The following XRN1 variants were observed in gnomAD, a reference collection of about 807,000 sequenced individuals.
XRN1 encodes the protein 5'-3' exoribonuclease 1.
Under a neutral mutation model 222.3 loss-of-function variants are expected in XRN1, and 67 were observed. The observed-to-expected ratio is 0.30, with a 90% CI of 0.25 to 0.37. XRN1 has a LOEUF of 0.37. Among genes scored for constraint, XRN1 ranks in the 10% least tolerant of loss-of-function variants. The pLI, the probability that XRN1 is intolerant of heterozygous loss-of-function variation, is 1.00. For synonymous variants in XRN1, 643 were observed against 652.4 expected (o/e 0.99, Z 0.22); for missense variants, 1,707 against 2,000.2 (o/e 0.85, Z 2.80).
intron 1 of XRN1, chr3:142,435,000 A>C (rs753668802): frequency 6.6e-6 from 1 of 152,228 alleles, no homozygotes; most frequent in African/African-American, 2.4e-5. Flanking sequence ...TAAATGGTAG[A>C]GTTATCTAAA....
chr3:142,400,947 C>T (rs1208834774), intron 18 of XRN1, among the ~76,000 whole-genome samples: 1 of 151,942 alleles, frequency 6.6e-6, no homozygotes, highest in Non-Finnish European at 1.5e-5. Flanking sequence ...ATAAAATGAA[C>T]AAGTTGAATT....
intron 29 of XRN1, among the ~76,000 whole-genome samples, chr3:142,360,904 A>C (rs1261815378): frequency 6.6e-6 from 1 of 151,822 alleles, no homozygotes; most frequent in African/African-American, 2.4e-5. Flanking sequence ...AACAACAACA[A>C]AACAGCCTTA....
At chr3:142,329,904 A>G (rs1212828490) in intron 36 of XRN1, among the ~76,000 whole-genome samples, 1 of 152,224 alleles carries the variant, frequency 6.6e-6, no homozygotes, top group Non-Finnish European at 1.5e-5. Flanking sequence ...AAATTCAGTT[A>G]GACGCTATAG....
chr3:142,385,222 A>G (rs1320940948), intron 20 of XRN1, among the ~76,000 whole-genome samples: 1 of 152,180 alleles, frequency 6.6e-6, no homozygotes, highest in Non-Finnish European at 1.5e-5. Context: ...AACAATCCAA[A>G]TGTTCATAAA....
chr3:142,375,654 G>A, intron 25 of XRN1, 144 bp downstream of exon 25: 1 of 726,034 alleles, frequency 1.4e-6, no homozygotes. Flanking sequence ...GATATTCCAT[G>A]ATGCAAAATT....
rs191586265 is a variant in XRN1 at position 142,402,647 on chromosome 3, T to C, written c.2103+1027A>G. 3.9e-5 allele frequency among the ~76,000 whole-genome samples: 6 copies of C among 152,320 alleles called. No homozygotes were observed. The East Asian group carries it at 1.2e-3, about 29-fold the overall frequency. On this transcript the variant is annotated intron_variant, in intron 18 of 40. Transcript: ENST00000392981. Reference sequence around the variant, plus strand: ...GAATGACTTAGGGCATTAGGGCTTATACATCTTGTGGAATACTGGTTAAGA... The same window carrying C: ...GAATGACTTAGGGCATTAGGGCTTACACATCTTGTGGAATACTGGTTAAGA...
At chr3:142,321,557 G>GTA (rs1246733253) in intron 37 of XRN1, among the ~76,000 whole-genome samples, 1 of 152,266 alleles carries the variant, frequency 6.6e-6, no homozygotes, top group East Asian at 1.9e-4. Context: ...AGACTGCTGT[G>GTA]GGTAGTACTG....
At position 142,309,226 on chromosome 3, in the gene XRN1, CTTTT is replaced by C. The variant is rs936802468; in HGVS notation, c.*2281_*2284del. Reference sequence around the variant, plus strand: ...TAAAAAAAAAGTAAGGATAATAAAACTTTTTTCTTTTTTTTGAGACAGAGTCTTG... The same window carrying C: ...TAAAAAAAAAGTAAGGATAATAAAACTTCTTTTTTTTGAGACAGAGTCTTG... On this transcript the variant is annotated 3_prime_UTR_variant, in exon 41 of 41. Coordinates refer to ENST00000392981, the MANE Select transcript of XRN1 (RefSeq NM_001282857.2). 6.6e-6 allele frequency: 1 copy of C among 152,006 alleles called. No homozygotes were observed. Among genetic ancestry groups the C allele is most frequent in the African/African-American group, 2.4e-5 (1 of 41,370 alleles). 9.4% of individuals were successfully genotyped at this position (152,006 alleles called of 1,614,324 possible). A position where few individuals can be genotyped will look rare whatever the true frequency, so the allele number is the denominator to read the frequency against.
chr3:142,333,609 C>T, intron 34 of XRN1, among the ~76,000 whole-genome samples: 1 of 151,958 alleles, frequency 6.6e-6, no homozygotes. Context: ...GTTTGTATTC[C>T]CCCAAAATTC....
intron 27 of XRN1, among the ~76,000 whole-genome samples, chr3:142,368,663 A>T (rs1458537848): frequency 2.0e-5 from 3 of 152,226 alleles, no homozygotes; most frequent in Admixed American, 6.5e-5. Context: ...TTCACTCTAC[A>T]TTGAAAGGCA....
intron 30 of XRN1, among the ~76,000 whole-genome samples, chr3:142,357,661 C>T (rs1201174432): frequency 6.6e-6 from 1 of 152,018 alleles, no homozygotes; most frequent in Non-Finnish European, 1.5e-5. Context: ...CTCCTGGGCT[C>T]AAATGACCCT....
chr3:142,327,713 G>C (rs11717757), intron 37 of XRN1, among the ~76,000 whole-genome samples: 1 of 151,916 alleles, frequency 6.6e-6, no homozygotes, highest in East Asian at 1.9e-4. Flanking sequence ...TGCGAGTGCA[G>C]TTTTGTTACA....
At chr3:142,344,769 G>C (rs2066093517) in intron 33 of XRN1, among the ~76,000 whole-genome samples, 3 of 152,080 alleles carry the variant, frequency 2.0e-5, no homozygotes, top group Admixed American at 2.0e-4. Context: ...TAAATGGAAA[G>C]ACATCTTGTG....
At position 142,311,121 on chromosome 3, in the gene XRN1, A is replaced by G. The variant is rs996311109; in HGVS notation, c.*390T>C. On this transcript the variant is annotated 3_prime_UTR_variant, in exon 41 of 41. Coordinates refer to ENST00000392981, the MANE Select transcript of XRN1 (RefSeq NM_001282857.2). The stretch of plus-strand genomic sequence containing the variant: ...CTCCATGTAATTATTCCTCAATGAT[A>G]GTGTAAAAAATGCTTATTATTGCTA... 2 of 154,300 alleles carry G rather than the reference A, an allele frequency of 1.3e-5. No homozygotes were observed. Among genetic ancestry groups the G allele is most frequent in the African/African-American group, 4.8e-5 (2 of 41,498 alleles). The allele number at this position is 154,300 out of a possible 1,614,324, so 9.6% of individuals were successfully genotyped here.
chr3:142,357,793 T>C (rs1446605262), intron 30 of XRN1, among the ~76,000 whole-genome samples: 2 of 151,898 alleles, frequency 1.3e-5, no homozygotes, highest in Non-Finnish European at 2.9e-5. Flanking sequence ...CCACAGCACT[T>C]GGGAGGCCGA....
chr3:142,313,465 C>A (rs1373175705), intron 39 of XRN1, among the ~76,000 whole-genome samples: 1 of 152,118 alleles, frequency 6.6e-6, no homozygotes, highest in East Asian at 1.9e-4. Flanking sequence ...ATGGAGACAG[C>A]CTGTACCAGT....
chr3:142,393,153 C>CCCA (rs1416894411), intron 20 of XRN1, among the ~76,000 whole-genome samples: 1 of 146,188 alleles, frequency 6.8e-6, no homozygotes, highest in Non-Finnish European at 1.5e-5. Context: ...ATGTCCTTCG[C>CCCA]CCACTTTTTG....
At chr3:142,357,199 G>T in intron 30 of XRN1, 80 bp from the exon 31 acceptor site, 1 of 1,356,044 alleles carries the variant, frequency 7.4e-7, no homozygotes, top group Non-Finnish European at 1.0e-6. Flanking sequence ...AATTTTTGGT[G>T]GACAATCCAT....
intron 23 of XRN1, among the ~76,000 whole-genome samples, chr3:142,378,207 T>G (rs1468244716): frequency 6.6e-6 from 1 of 152,196 alleles, no homozygotes; most frequent in Non-Finnish European, 1.5e-5. Context: ...GGAAAGCCAC[T>G]GGAAATTTTT....
Sources: gnomAD v4.1 joint callset for allele counts (sites outside exome capture counted in the v4.1 genomes callset) on GRCh38, gnomAD v4.1.1 for gene constraint, MANE v1.5 for transcripts, NCBI Gene and HGNC (gene_info 2026-07-23, HGNC 2026-07-21) for gene names.